The following TMEM74 variants were observed in gnomAD, a reference collection of about 807,000 sequenced individuals.
The protein encoded by TMEM74 is transmembrane protein 74.
Under a neutral mutation model 18.1 loss-of-function variants are expected in TMEM74, and 13 were observed. The ratio of observed to expected loss-of-function variants is 0.72; its 90% CI spans 0.47 to 1.14. The LOEUF is 1.14. Among genes scored for constraint, TMEM74 ranks in the 50% most tolerant of loss-of-function variants. TMEM74 has a pLI of 0.00. For synonymous variants in TMEM74, 159 were observed against 146.6 expected (o/e 1.08, Z -0.61); for missense variants, 372 against 375.9 (o/e 0.99, Z 0.09).
chr8:108,787,124 C>T (rs1814395438), intron 1 of TMEM74, among the ~76,000 whole-genome samples: 1 of 152,174 alleles, frequency 6.6e-6, no homozygotes, highest in Non-Finnish European at 1.5e-5. Flanking sequence ...CGAGGGGACA[C>T]GCACTTTCCC....
At chr8:108,699,688 G>C (rs989698446) in intron 1 of TMEM74, among the ~76,000 whole-genome samples, 1 of 152,172 alleles carries the variant, frequency 6.6e-6, no homozygotes, top group Non-Finnish European at 1.5e-5. Flanking sequence ...CTGCTTTGCT[G>C]TACAATGCCT....
At chr8:108,731,931 A>T (rs1813699599) in intron 1 of TMEM74, among the ~76,000 whole-genome samples, 1 of 151,796 alleles carries the variant, frequency 6.6e-6, no homozygotes. Context: ...AAAGCCCACC[A>T]TTTTTTCTCC....
chr8:108,646,321 A>C (rs1812717502), intron 2 of TMEM74, among the ~76,000 whole-genome samples: 1 of 152,122 alleles, frequency 6.6e-6, no homozygotes, highest in Non-Finnish European at 1.5e-5. Flanking sequence ...TTATACAATA[A>C]TTATATAACC....
chr8:108,726,616 A>G (rs771325505), intron 1 of TMEM74, among the ~76,000 whole-genome samples: 27 of 152,182 alleles, frequency 1.8e-4, no homozygotes, highest in Admixed American at 9.2e-4. Flanking sequence ...ATATTAAAGC[A>G]TCTGAGGGAT....
Position 108,787,429 on chromosome 8 carries a change from A to G in TMEM74, c.-40+47T>C, listed in dbSNP as rs903572510. ...AGCTCTGCTAGGCTCCAGGGCTCTC[A>G]CCCTTGCATTCAAAGCCTCCACCCC... On this transcript the variant is annotated intron_variant, in intron 1 of 1. Transcript: ENST00000297459. 2.8e-4 allele frequency: 43 copies of G among 152,000 alleles called. 1 individual carries two copies. The highest frequency in any genetic ancestry group is 1.0e-3 in the African/African-American group (43 of 41,340). The allele number at this position is 152,000 out of a possible 1,614,324, so 9.4% of individuals were successfully genotyped here. A position where few individuals can be genotyped will look rare whatever the true frequency, so the allele number is the denominator to read the frequency against.
intron 3 of TMEM74, chr8:108,607,776 A>G (rs1812290863): frequency 6.6e-6 from 1 of 152,232 alleles, no homozygotes; most frequent in African/African-American, 2.4e-5. Flanking sequence ...CTGTAAAACA[A>G]GCAAGAAAAT....
At chr8:108,635,640 G>T (rs999757211) in intron 2 of TMEM74, among the ~76,000 whole-genome samples, 2 of 151,936 alleles carry the variant, frequency 1.3e-5, no homozygotes, top group Non-Finnish European at 2.9e-5. Context: ...CACTTAGAAG[G>T]TTTGCAAATA....
chr8:108,785,120 C>G lies in TMEM74; in HGVS notation c.-22G>C, dbSNP rs1256078234. On this transcript the variant is annotated 5_prime_UTR_variant, in exon 2 of 2. Transcript: ENST00000297459. ...CCATGAGAGCTAGTCAGACATCCCC[C>G]AGCAGCTTCCGGAAAGTCTGCCAAT... The G allele has an allele frequency of 6.5e-7, 1 of 1,549,714 alleles. No individual in the cohort carries two copies. Among genetic ancestry groups the G allele is most frequent in the Non-Finnish European group, 8.7e-7 (1 of 1,152,714 alleles).
At chr8:108,765,425 T>TTTTTTTTTTTTC (rs1814094864) in intron 1 of TMEM74, among the ~76,000 whole-genome samples, 1 of 150,302 alleles carries the variant, frequency 6.7e-6, no homozygotes, top group Non-Finnish European at 1.5e-5. Context: ...TTTTTTTTTT[T>TTTTTTTTTTTTC]AGATGGAGTC....
intron 2 of TMEM74, among the ~76,000 whole-genome samples, chr8:108,650,804 A>G (rs933671811): frequency 1.3e-5 from 2 of 151,996 alleles, no homozygotes; most frequent in Non-Finnish European, 2.9e-5. Flanking sequence ...TCTGACTCCC[A>G]GGTTCAAGAG....
intron 1 of TMEM74, among the ~76,000 whole-genome samples, chr8:108,750,411 C>T (rs1813892486): frequency 6.6e-6 from 1 of 152,114 alleles, no homozygotes; most frequent in Non-Finnish European, 1.5e-5. Flanking sequence ...AGCAGTGATT[C>T]CTCCCTTTGT....
At chr8:108,661,462 C>G (rs765615947) in intron 1 of TMEM74, among the ~76,000 whole-genome samples, 7 of 125,802 alleles carry the variant, frequency 5.6e-5, no homozygotes, top group Non-Finnish European at 1.1e-4. Flanking sequence ...GCACATTGGT[C>G]TTTTTGTTTG....
At chr8:108,747,757 C>T (rs180908895) in intron 1 of TMEM74, among the ~76,000 whole-genome samples, 1 of 150,440 alleles carries the variant, frequency 6.6e-6, no homozygotes, top group African/African-American at 2.5e-5. Context: ...TTGTTTCCCC[C>T]CTGTGTTCAT....
intron 2 of TMEM74, among the ~76,000 whole-genome samples, chr8:108,617,889 C>A (rs1221057031): frequency 1.3e-5 from 2 of 152,136 alleles, no homozygotes; most frequent in African/African-American, 4.8e-5. Flanking sequence ...TTTCCTGAGA[C>A]CTTTCTTTTC....
intron 1 of TMEM74, among the ~76,000 whole-genome samples, chr8:108,753,933 A>T (rs950259633): frequency 1.3e-5 from 2 of 152,082 alleles, no homozygotes; most frequent in Non-Finnish European, 2.9e-5. Context: ...AGTGGATCTC[A>T]AACTTCAGAA....
At chr8:108,647,019 GCT>G (rs1164966187) in intron 2 of TMEM74, among the ~76,000 whole-genome samples, 4 of 152,068 alleles carry the variant, frequency 2.6e-5, no homozygotes, top group Admixed American at 1.3e-4. Flanking sequence ...CCCCAAACAA[GCT>G]CTGTTTCTTG....
At position 108,704,803 on chromosome 8, in the gene TMEM74, G is replaced by A. The variant is rs557129477; in HGVS notation, n.120-49366C>T. ...GGAGGGAGGGAGGTTACCTGCAGGA[G>A]GTGGTGTCTTACCTTCCAGGTGTCT... On this transcript the variant is annotated intron_variant and non_coding_transcript_variant, in intron 1 of 3. Transcript: ENST00000518838. Among the ~76,000 whole-genome samples the A allele has an allele frequency of 4.6e-5, 7 of 152,302 alleles. No homozygotes were observed. The East Asian group carries it at 1.4e-3, about 29-fold the overall frequency.
At chr8:108,745,786 G>A (rs747999209) in intron 1 of TMEM74, among the ~76,000 whole-genome samples, 3 of 152,096 alleles carry the variant, frequency 2.0e-5, no homozygotes, top group Non-Finnish European at 4.4e-5. Flanking sequence ...ACAGCCCAGC[G>A]CCGCACCCTG....
chr8:108,704,600 T>C lies in TMEM74; in HGVS notation n.120-49163A>G, dbSNP rs994163805. 2.6e-5 allele frequency among the ~76,000 whole-genome samples: 4 copies of C among 152,394 alleles called. No homozygotes were observed. The East Asian group carries it at 7.7e-4, about 29-fold the overall frequency. On this transcript the variant is annotated intron_variant and non_coding_transcript_variant, in intron 1 of 3. Transcript: ENST00000518838. Reference sequence around the variant, plus strand: ...ATTCAGTAAAAATATATTGACCATCTACTTTGTGTTATATGTTGTGAATAC... The same window carrying C: ...ATTCAGTAAAAATATATTGACCATCCACTTTGTGTTATATGTTGTGAATAC...
Sources: allele counts gnomAD v4.1 joint callset (sites outside exome capture counted in the v4.1 genomes callset), GRCh38; gene constraint gnomAD v4.1.1; transcripts MANE v1.5; gene names NCBI Gene and HGNC (gene_info 2026-07-23, HGNC 2026-07-21).